BRD10: variants seen among roughly 807,000 people sequenced by gnomAD.
BRD10 encodes uncharacterized bromodomain-containing protein 10.
chr9:6,007,329 G>T, the BRD10 span: 36 of 1,613,600 alleles, frequency 2.2e-5, no homozygotes, highest in Non-Finnish European at 3.1e-5. Flanking sequence ...ACTCGGTGAT[G>T]CCCCCGTACT....
At chr9:6,005,298 G>A in the BRD10 span, among the ~76,000 whole-genome samples, 88 of 151,770 alleles carry the variant, frequency 5.8e-4, 2 homozygotes, top group South Asian at 0.018. Flanking sequence ...ATCACCTGAG[G>A]TCAGGAGCTT....
At chr9:5,954,958 C>A in the BRD10 span, among the ~76,000 whole-genome samples, 1 of 151,808 alleles carries the variant, frequency 6.6e-6, no homozygotes, top group Admixed American at 6.6e-5. Flanking sequence ...TGTGGTGGTG[C>A]GTGCCTGTAA....
At chr9:5,921,661 G>T in the BRD10 span, 1 of 1,613,868 alleles carries the variant, frequency 6.2e-7, no homozygotes, top group Non-Finnish European at 8.5e-7. Context: ...AACTTTTTGT[G>T]ATATAATCTA....
chr9:5,987,320 G>A, the BRD10 span, among the ~76,000 whole-genome samples: 1 of 152,028 alleles, frequency 6.6e-6, no homozygotes, highest in East Asian at 1.9e-4. Flanking sequence ...CCAATTTCTG[G>A]TGACCAGTAT....
chr9:5,924,826 A>G, the BRD10 span: 2 of 1,512,478 alleles, frequency 1.3e-6, no homozygotes, highest in East Asian at 4.7e-5. Context: ...AAATCATCAT[A>G]GTCTTTCTTC....
the BRD10 span, among the ~76,000 whole-genome samples, chr9:5,915,793 G>A: frequency 5.3e-5 from 8 of 151,882 alleles, no homozygotes; most frequent in African/African-American, 1.5e-4. Flanking sequence ...CATCTATATC[G>A]TTCCTGCAAC....
the BRD10 span, chr9:5,968,142 T>C: frequency 6.3e-7 from 1 of 1,586,526 alleles, no homozygotes. Context: ...AAGTTTTCAT[T>C]CAAAACATCT....
At chr9:5,993,845 G>A in the BRD10 span, among the ~76,000 whole-genome samples, 2 of 152,098 alleles carry the variant, frequency 1.3e-5, no homozygotes, top group Admixed American at 6.5e-5. Flanking sequence ...GCATTTACAG[G>A]GGCAAATGGA....
the BRD10 span, among the ~76,000 whole-genome samples, chr9:5,902,802 C>A: frequency 6.6e-6 from 1 of 151,970 alleles, no homozygotes; most frequent in East Asian, 1.9e-4. Context: ...CCATTGTGCT[C>A]TGCTGATTTC....
chr9:5,889,874 T>G, the BRD10 span, among the ~76,000 whole-genome samples: 1 of 152,190 alleles, frequency 6.6e-6, no homozygotes, highest in African/African-American at 2.4e-5. Context: ...CTAATTGATG[T>G]CTAAGTAGGT....
At chr9:5,950,305 G>A in the BRD10 span, among the ~76,000 whole-genome samples, 1 of 152,276 alleles carries the variant, frequency 6.6e-6, no homozygotes, top group South Asian at 2.1e-4. Context: ...TTCACCAGAA[G>A]CGACTGACCT....
chr9:5,983,025 G>A, the BRD10 span, among the ~76,000 whole-genome samples: 4 of 152,116 alleles, frequency 2.6e-5, no homozygotes, highest in Non-Finnish European at 4.4e-5. Context: ...GGTTGAATCA[G>A]TGCATGTGGA....
At chr9:5,979,009 G>C in the BRD10 span, among the ~76,000 whole-genome samples, 2 of 152,232 alleles carry the variant, frequency 1.3e-5, no homozygotes, top group East Asian at 1.9e-4. Context: ...AAAAATGCTG[G>C]GTGGCCACAA....
chr9:5,969,917 A>G, the BRD10 span, among the ~76,000 whole-genome samples: 2 of 152,210 alleles, frequency 1.3e-5, no homozygotes, highest in African/African-American at 4.8e-5. Context: ...ATGAAGAAAT[A>G]CACATATCAC....
the BRD10 span, among the ~76,000 whole-genome samples, chr9:5,917,991 T>C: frequency 6.6e-6 from 1 of 152,230 alleles, no homozygotes; most frequent in Admixed American, 6.5e-5. Flanking sequence ...TTTTGGGTCA[T>C]TTTGTTTTAA....
chr9:5,995,355 C>G, the BRD10 span, among the ~76,000 whole-genome samples: 1 of 152,244 alleles, frequency 6.6e-6, no homozygotes, highest in African/African-American at 2.4e-5. Flanking sequence ...CCCATCCTTA[C>G]TTTATGTTTC....
the BRD10 span, among the ~76,000 whole-genome samples, chr9:5,977,484 A>AAT: frequency 6.6e-6 from 1 of 152,170 alleles, no homozygotes; most frequent in Non-Finnish European, 1.5e-5. Context: ...CTCTAGAGTT[A>AAT]ATATATATAA....
At chr9:5,881,320 G>A in the BRD10 span, among the ~76,000 whole-genome samples, 40 of 152,268 alleles carry the variant, frequency 2.6e-4, no homozygotes, top group East Asian at 7.7e-4. Flanking sequence ...AATCTCAAAC[G>A]GTCAGCCCTA....
the BRD10 span, among the ~76,000 whole-genome samples, chr9:5,880,718 T>TC: frequency 2.7e-5 from 4 of 146,260 alleles, no homozygotes; most frequent in East Asian, 2.0e-4. Flanking sequence ...TTTTTTTTTT[T>TC]CCCTGAGATG....
Sources: gnomAD v4.1 joint callset for allele counts (sites outside exome capture counted in the v4.1 genomes callset) on GRCh38, gnomAD v4.1.1 for gene constraint, MANE v1.5 for transcripts, NCBI Gene and HGNC (gene_info 2026-07-23, HGNC 2026-07-21) for gene names.